Variants in BFAR observed in about 807,000 individuals in gnomAD.
BFAR encodes the protein RING finger protein 47.
Under a neutral mutation model 54.4 loss-of-function variants are expected in BFAR, and 52 were observed. The observed-to-expected ratio is 0.96, with a 90% CI of 0.77 to 1.21. The LOEUF (loss-of-function observed/expected upper bound fraction) is 1.21, where lower values mean the gene tolerates loss of function less well. Among genes scored for constraint, BFAR ranks in the 50% most tolerant of loss-of-function variants. BFAR has a pLI of 0.00. For synonymous variants in BFAR, 215 were observed against 204.3 expected (o/e 1.05, Z -0.45); for missense variants, 571 against 534.0 (o/e 1.07, Z -0.68).
intron 5 of BFAR, among the ~76,000 whole-genome samples, chr16:14,660,477 G>A (rs1220761598): frequency 6.6e-6 from 1 of 150,862 alleles, no homozygotes; most frequent in African/African-American, 2.4e-5. Flanking sequence ...AGTAGACAGG[G>A]TTTCATCATA....
intron 1 of BFAR, among the ~76,000 whole-genome samples, chr16:14,637,042 C>G (rs1294996846): frequency 6.6e-6 from 1 of 152,192 alleles, no homozygotes; most frequent in Non-Finnish European, 1.5e-5. Context: ...AAAATGGAGT[C>G]TCCTATGTCT....
intron 5 of BFAR, among the ~76,000 whole-genome samples, chr16:14,657,470 G>A (rs1183218804): frequency 6.6e-6 from 1 of 151,960 alleles, no homozygotes; most frequent in Non-Finnish European, 1.5e-5. Context: ...GGGTAGTCTG[G>A]ATCTCCTGAC....
chr16:14,655,112 A>G lies in BFAR; in HGVS notation c.685A>G (p.Thr229Ala). 3 of 1,612,472 alleles carry G rather than the reference A, an allele frequency of 1.9e-6. No homozygotes were observed. The highest frequency in any genetic ancestry group is 1.1e-5 in the South Asian group (1 of 90,854). The change falls in exon 5 of 8, where the codon ACC becomes GCC. Residue 229 changes from threonine to alanine, a missense_variant. By Grantham distance (58) the Thr-to-Ala change is moderately conservative (BLOSUM62 0). Transcript: ENST00000261658. ...GGAAGAATTTTCCAAGACGCCCTATACCATAGAAAACAGCAGCCACAGGAG... is the reference window on the plus strand; with the variant it reads ...GGAAGAATTTTCCAAGACGCCCTATGCCATAGAAAACAGCAGCCACAGGAG... ...TEEEFSKTPY[T>A]IENSSHRRAI... is the part of the protein sequence containing the mutation.
intron 6 of BFAR, among the ~76,000 whole-genome samples, chr16:14,662,287 C>T (rs1255114528): frequency 6.6e-6 from 1 of 152,150 alleles, no homozygotes; most frequent in African/African-American, 2.4e-5. Context: ...CATCAAGTAT[C>T]ATCCACACCC....
At position 14,668,233 on chromosome 16, in the gene BFAR, G is replaced by C. The variant is rs976908886; in HGVS notation, c.*406G>C. ...ATCCGGATCTCAGAGCCTGAGACCA[G>C]GTTTATTGGGGCCTGGCCTGTCCTC... On this transcript the variant is annotated 3_prime_UTR_variant, in exon 8 of 8. Coordinates refer to ENST00000261658, the MANE Select transcript of BFAR (RefSeq NM_016561.3). The C allele has an allele frequency of 1.5e-5, 3 of 196,654 alleles. No individual in the cohort carries two copies. Among genetic ancestry groups the C allele is most frequent in the African/African-American group, 2.3e-5 (1 of 43,404 alleles). The allele number at this position is 196,654 out of a possible 1,614,324, so 12.2% of individuals were successfully genotyped here.
chr16:14,633,524 TTAAAG>T (rs1959330449), intron 1 of BFAR: 1 of 152,248 alleles, frequency 6.6e-6, no homozygotes, highest in Non-Finnish European at 1.5e-5. Flanking sequence ...TGCCCATTCT[TTAAAG>T]TAGGGTGACC....
intron 5 of BFAR, among the ~76,000 whole-genome samples, chr16:14,658,886 C>T (rs1960202756): frequency 6.6e-6 from 1 of 152,058 alleles, no homozygotes; most frequent in Admixed American, 6.6e-5. Context: ...GTACACCCCT[C>T]CACCAATTAA....
At chr16:14,640,017 GGC>G (rs1291948342) in intron 1 of BFAR, among the ~76,000 whole-genome samples, 2 of 151,924 alleles carry the variant, frequency 1.3e-5, no homozygotes, top group Non-Finnish European at 2.9e-5. Context: ...CAGGTGTGGT[GGC>G]GCACACCTGT....
In BFAR at chr16:14,667,809, G is replaced by A. The variant is rs1960486513; in HGVS notation, c.1335G>A (p.Leu445=). The change falls in exon 8 of 8, where the codon CTG becomes CTA. Residue 445 remains leucine, a synonymous_variant. Coordinates refer to ENST00000261658, the MANE Select transcript of BFAR (RefSeq NM_016561.3). ...IDLVVKELRR[L]ETQVL The stretch of plus-strand genomic sequence containing the variant: ...TTGTGGTCAAGGAACTCCGGCGGCT[G>A]GAAACCCAGGTGTTGTGACTGGCAC... 3 of 1,614,146 alleles carry A rather than the reference G, an allele frequency of 1.9e-6. No individual in the cohort carries two copies. Among genetic ancestry groups the A allele is most frequent in the Non-Finnish European group, 2.5e-6 (3 of 1,180,000 alleles).
chr16:14,634,892 G>A (rs1428620914), intron 1 of BFAR, among the ~76,000 whole-genome samples: 3 of 152,200 alleles, frequency 2.0e-5, no homozygotes, highest in Non-Finnish European at 4.4e-5. Flanking sequence ...CTAATGCACA[G>A]AGACAAGAAA....
intron 4 of BFAR, among the ~76,000 whole-genome samples, chr16:14,652,009 C>T (rs1184110561): frequency 2.0e-5 from 3 of 151,532 alleles, no homozygotes; most frequent in African/African-American, 7.3e-5. Context: ...GCCTCAGCCT[C>T]CCGAGTAGCT....
At chr16:14,665,862 G>A (rs144235021) in intron 7 of BFAR, among the ~76,000 whole-genome samples, 17 of 152,296 alleles carry the variant, frequency 1.1e-4, no homozygotes, top group African/African-American at 3.8e-4. Context: ...AGAGCATAAA[G>A]AGATCTCATG....
At chr16:14,666,926 A>G (rs1374700780) in intron 7 of BFAR, among the ~76,000 whole-genome samples, 1 of 152,124 alleles carries the variant, frequency 6.6e-6, no homozygotes, top group African/African-American at 2.4e-5. Context: ...GTTAAAAAAT[A>G]GATGGTCAGG....
At chr16:14,649,760 T>C in intron 3 of BFAR, 44 bp from the exon 4 acceptor site, 1 of 1,512,064 alleles carries the variant, frequency 6.6e-7, no homozygotes, top group East Asian at 2.3e-5. Context: ...GAAACTGGCA[T>C]CTCTGCCTCT....
rs1414508366 is a variant in BFAR, at chr16:14,660,823, C to T, written c.784-1069C>T. Among the ~76,000 whole-genome samples, 3 of 151,874 alleles carry T rather than the reference C, an allele frequency of 2.0e-5. No individual in the cohort carries two copies. In the East Asian group the frequency reaches 6.0e-4, roughly 30 times the overall value. ...GGCTGAGGCAGGAGAATTGCTTGAA[C>T]CTGGGAGGTAGACGTTGCAGTGAGC... is the stretch of plus-strand genomic sequence containing the variant. On this transcript the variant is annotated intron_variant, in intron 5 of 7. Coordinates refer to ENST00000261658, the MANE Select transcript of BFAR (RefSeq NM_016561.3).
At chr16:14,662,290 C>G (rs185088195) in intron 6 of BFAR, among the ~76,000 whole-genome samples, 1 of 152,250 alleles carries the variant, frequency 6.6e-6, no homozygotes, top group African/African-American at 2.4e-5. Flanking sequence ...CAAGTATCAT[C>G]CACACCCATA....
At chr16:14,660,771 C>G (rs1960266712) in intron 5 of BFAR, among the ~76,000 whole-genome samples, 1 of 151,656 alleles carries the variant, frequency 6.6e-6, no homozygotes, top group Non-Finnish European at 1.5e-5. Flanking sequence ...CGTGGCATTA[C>G]TCACTTGTAA....
At position 14,667,620 on chromosome 16, in the gene BFAR, C is replaced by G; in HGVS notation, c.1161-15C>G. ...AGAAGCGCCTCCGATTCAGCCTCTT[C>G]TCTTCTTGTTTCAGGACCGTGCCTC... On this transcript the variant is annotated splice_polypyrimidine_tract_variant and intron_variant, in intron 7 of 7. Coordinates refer to ENST00000261658, the MANE Select transcript of BFAR (RefSeq NM_016561.3). 6.2e-7 allele frequency: 1 copy of G among 1,610,388 alleles called. No individual in the cohort carries two copies. The highest frequency in any genetic ancestry group is 8.5e-7 in the Non-Finnish European group (1 of 1,178,064).
At position 14,632,965 on chromosome 16, in the gene BFAR, C is replaced by G. The variant is rs550762918; in HGVS notation, c.-127C>G. On this transcript the variant is annotated 5_prime_UTR_variant, in exon 1 of 8. Transcript: ENST00000261658. ...GAAGCCTCTCCCTCTTCCTCTGCTC[C>G]CGCGGGGTCTGTGCTGAGAATAATG... is the stretch of plus-strand genomic sequence containing the variant. 2 of 155,328 alleles carry G rather than the reference C, an allele frequency of 1.3e-5. No homozygotes were observed. Among genetic ancestry groups the G allele is most frequent in the Admixed American group, 1.3e-4 (2 of 15,804 alleles). The allele number at this position is 155,328 out of a possible 1,614,324, so 9.6% of individuals were successfully genotyped here.
Sources: gnomAD v4.1 joint callset for allele counts (sites outside exome capture counted in the v4.1 genomes callset) on GRCh38, gnomAD v4.1.1 for gene constraint, MANE v1.5 for transcripts, NCBI Gene and HGNC (gene_info 2026-07-23, HGNC 2026-07-21) for gene names.